Variants in CEP112 observed in about 807,000 individuals in gnomAD.
CEP112 encodes the protein centrosomal protein of 112 kDa.
CEP112 carries 127 observed loss-of-function variants against 153.0 expected under a neutral mutation model. That is an observed-to-expected ratio of 0.83 (90% CI 0.72 to 0.96). CEP112 has a LOEUF of 0.96. CEP112 is among the 40% of genes least tolerant of loss of function. The probability of loss-of-function intolerance (pLI) is 0.00; values close to 1 mark genes in which losing one functional copy is unlikely to be tolerated. For missense variants in CEP112, 1,089 were observed against 1,101.2 expected, an observed-to-expected ratio of 0.99 and a Z score of 0.16; for synonymous variants, 358 against 374.4, an observed-to-expected ratio of 0.96 and a Z score of 0.51.
intron 6 of CEP112, among the ~76,000 whole-genome samples, chr17:66,107,325 T>C (rs1192975734): frequency 6.6e-6 from 1 of 152,108 alleles, no homozygotes; most frequent in Non-Finnish European, 1.5e-5. Flanking sequence ...ATACAGGGCA[T>C]GCAAATTGGA....
intron 21 of CEP112, among the ~76,000 whole-genome samples, chr17:65,788,113 T>A (rs561276437): frequency 6.6e-6 from 1 of 152,348 alleles, no homozygotes; most frequent in African/African-American, 2.4e-5. Flanking sequence ...ATTAAGATTA[T>A]CACAGATATG....
intron 6 of CEP112, among the ~76,000 whole-genome samples, chr17:66,124,128 C>G (rs1179556530): frequency 2.0e-5 from 3 of 152,146 alleles, no homozygotes; most frequent in African/African-American, 7.2e-5. Context: ...CATGACAGTT[C>G]AGTTCTCTAA....
intron 18 of CEP112, among the ~76,000 whole-genome samples, chr17:65,948,601 G>T (rs1020225013): frequency 1.1e-4 from 17 of 151,152 alleles, no homozygotes; most frequent in Admixed American, 2.6e-4. Flanking sequence ...TACATACATA[G>T]AAATAATTCT....
chr17:65,675,841 A>G (rs1017334521), intron 24 of CEP112, among the ~76,000 whole-genome samples: 5 of 152,098 alleles, frequency 3.3e-5, no homozygotes, highest in Admixed American at 3.3e-4. Flanking sequence ...TCACTGAATA[A>G]GAAACAAAAT....
In CEP112 at chr17:65,647,663, C is replaced by T. The variant is rs62065701; in HGVS notation, c.2698-6598G>A. Among the ~76,000 whole-genome samples, 7 of 144,656 alleles carry T rather than the reference C, an allele frequency of 4.8e-5. No individual in the cohort carries two copies. In the East Asian group the frequency reaches 1.5e-3, roughly 31 times the overall value. The allele number at this position is 144,656 out of a possible 152,430, so 94.9% of individuals were successfully genotyped here. A position where few individuals can be genotyped will look rare whatever the true frequency, so the allele number is the denominator to read the frequency against. On this transcript the variant is annotated intron_variant, in intron 24 of 26. Coordinates refer to ENST00000535342, the MANE Select transcript of CEP112 (RefSeq NM_001199165.4). ...AGCTAATTTTTTTTTTTTTTTTCCC[C>T]ATATGGATAGTTTCTCACTATGTTG...
At chr17:65,743,383 T>C (rs535499881) in intron 22 of CEP112, among the ~76,000 whole-genome samples, 166 bp from the exon 23 acceptor site, 120 of 152,268 alleles carry the variant, frequency 7.9e-4, no homozygotes, top group Middle Eastern at 3.4e-3. Flanking sequence ...TACCACACAA[T>C]AAAAGACTTT....
At chr17:65,935,458 C>T (rs1203435723) in intron 18 of CEP112, among the ~76,000 whole-genome samples, 1 of 152,108 alleles carries the variant, frequency 6.6e-6, no homozygotes, top group African/African-American at 2.4e-5. Flanking sequence ...CATCCAGCAG[C>T]AAGAGAATAC....
intron 13 of CEP112, 61 bp downstream of exon 13, chr17:66,029,808 G>T (rs9908964): frequency 1 from 1,425,436 of 1,425,900 alleles, 712,489 homozygotes; most frequent in East Asian, 1. Flanking sequence ...GCAGATAACT[G>T]ATACAGTTAA....
At chr17:65,777,668 T>C (rs990654844) in intron 21 of CEP112, among the ~76,000 whole-genome samples, 5 of 152,230 alleles carry the variant, frequency 3.3e-5, no homozygotes, top group East Asian at 1.9e-4. Flanking sequence ...TCTGGAGCTA[T>C]AGCTAGGCTT....
At chr17:65,878,842 A>C (rs1213156508) in intron 20 of CEP112, among the ~76,000 whole-genome samples, 1 of 152,052 alleles carries the variant, frequency 6.6e-6, no homozygotes, top group Non-Finnish European at 1.5e-5. Flanking sequence ...CTAAAAAAAA[A>C]AAAAATGGAA....
intron 16 of CEP112, among the ~76,000 whole-genome samples, chr17:66,019,972 T>C (rs192069492): frequency 6.6e-6 from 1 of 152,372 alleles, no homozygotes; most frequent in East Asian, 1.9e-4. Context: ...TCTATCTCTA[T>C]GTGCGTAACA....
intron 17 of CEP112, among the ~76,000 whole-genome samples, chr17:65,963,012 T>A (rs770235834): frequency 6.6e-6 from 1 of 152,168 alleles, no homozygotes; most frequent in South Asian, 2.1e-4. Flanking sequence ...TGTTATTACA[T>A]CCTTACTTAC....
intron 24 of CEP112, among the ~76,000 whole-genome samples, chr17:65,654,565 G>A (rs2045961640): frequency 1.3e-5 from 2 of 152,316 alleles, no homozygotes; most frequent in South Asian, 4.1e-4. Context: ...GCATGAACTA[G>A]TTTCTGGAAA....
In CEP112 at chr17:66,029,875, T is replaced by C; in HGVS notation, c.1367A>G (p.Lys456Arg). ...ATCTGATTTCAGACAATACCTTGCC[T>C]TTACTTCTTGTAATTCACTACACGT... The part of the protein sequence containing the change: ...QITCSELQEV[K>R]ARRNTLHKEK... The change falls in exon 13 of 27, where the codon AAG becomes AGG. Residue 456 changes from lysine to arginine, a missense_variant. Physicochemically the swap from Lys to Arg is conservative, Grantham distance 26 (BLOSUM62 2). Coordinates refer to ENST00000535342, the MANE Select transcript of CEP112 (RefSeq NM_001199165.4). 1 of 1,613,212 alleles carries C rather than the reference T, an allele frequency of 6.2e-7. No individual in the cohort carries two copies. The highest frequency in any genetic ancestry group is 8.5e-7 in the Non-Finnish European group (1 of 1,179,394).
intron 19 of CEP112, among the ~76,000 whole-genome samples, chr17:65,904,130 G>T (rs553235542): frequency 1.3e-5 from 2 of 152,098 alleles, no homozygotes; most frequent in Admixed American, 6.5e-5. Context: ...ACAAATAAAG[G>T]GTATTCAAAT....
At chr17:65,996,519 C>A (rs1270742278) in intron 17 of CEP112, among the ~76,000 whole-genome samples, 1 of 152,108 alleles carries the variant, frequency 6.6e-6, no homozygotes, top group Non-Finnish European at 1.5e-5. Flanking sequence ...TGGAGAGTTC[C>A]AGAGAAGCTC....
intron 17 of CEP112, among the ~76,000 whole-genome samples, chr17:65,970,808 T>G (rs1278588119): frequency 6.6e-6 from 1 of 152,222 alleles, no homozygotes; most frequent in Non-Finnish European, 1.5e-5. Flanking sequence ...CACATGTGTA[T>G]GGCGCATGTA....
chr17:65,649,397 G>T (rs559052951), intron 24 of CEP112, among the ~76,000 whole-genome samples: 12 of 152,012 alleles, frequency 7.9e-5, no homozygotes, highest in Non-Finnish European at 1.6e-4. Context: ...ATATTTTGAA[G>T]TAAGGGTGAA....
intron 4 of CEP112, among the ~76,000 whole-genome samples, chr17:66,155,812 G>A (rs1040281188): frequency 3.9e-5 from 6 of 152,194 alleles, no homozygotes; most frequent in African/African-American, 1.4e-4. Context: ...CAAAGTCAAT[G>A]TAACCAGACT....
Sources: allele counts gnomAD v4.1 joint callset (sites outside exome capture counted in the v4.1 genomes callset), GRCh38; gene constraint gnomAD v4.1.1; transcripts MANE v1.5; gene names NCBI Gene and HGNC (gene_info 2026-07-23, HGNC 2026-07-21).